Variants in PDE7B observed in about 807,000 individuals in gnomAD.
PDE7B encodes the protein phosphodiesterase 7B.
Under a neutral mutation model 56.2 loss-of-function variants are expected in PDE7B, and 29 were observed. The observed-to-expected ratio is 0.52, with a 90% CI of 0.38 to 0.70. The LOEUF (loss-of-function observed/expected upper bound fraction) is 0.70, where lower values mean the gene tolerates loss of function less well. PDE7B is among the 30% of genes least tolerant of loss of function. The pLI is 0.00. For synonymous variants in PDE7B, 197 were observed against 196.9 expected, an observed-to-expected ratio of 1.00 and a Z score of 0.00; for missense variants, 490 against 565.0, an observed-to-expected ratio of 0.87 and a Z score of 1.35.
At chr6:136,087,479 A>G (rs1411707854) in intron 2 of PDE7B, among the ~76,000 whole-genome samples, 1 of 152,260 alleles carries the variant, frequency 6.6e-6, no homozygotes, top group Non-Finnish European at 1.5e-5. Context: ...AAGTAAGAAG[A>G]GCAAGAGACA....
At chr6:136,032,666 G>A (rs1776261706) in intron 2 of PDE7B, among the ~76,000 whole-genome samples, 1 of 152,208 alleles carries the variant, frequency 6.6e-6, no homozygotes, top group Non-Finnish European at 1.5e-5. Flanking sequence ...TTCAAGGGTT[G>A]AAGGGCTTGA....
chr6:136,005,061 C>A (rs1775753173), intron 2 of PDE7B, among the ~76,000 whole-genome samples: 1 of 152,310 alleles, frequency 6.6e-6, no homozygotes, highest in African/African-American at 2.4e-5. Flanking sequence ...ATATCTACAA[C>A]TATCTGATCT....
intron 2 of PDE7B, among the ~76,000 whole-genome samples, chr6:136,082,318 G>A (rs1490134254): frequency 3.9e-5 from 6 of 152,116 alleles, no homozygotes; most frequent in East Asian, 3.9e-4. Flanking sequence ...CTGCAGTTAC[G>A]GCACTTGAGG....
At chr6:135,866,999 C>T (rs1448536910) in intron 1 of PDE7B, among the ~76,000 whole-genome samples, 2 of 152,090 alleles carry the variant, frequency 1.3e-5, no homozygotes, top group Non-Finnish European at 2.9e-5. Context: ...CTTGTGTTTT[C>T]CTAATACTTT....
intron 1 of PDE7B, among the ~76,000 whole-genome samples, chr6:135,907,231 C>T (rs1007504373): frequency 6.6e-6 from 1 of 152,156 alleles, no homozygotes; most frequent in Non-Finnish European, 1.5e-5. Flanking sequence ...TTTAAGAAGA[C>T]TTGGTAGAGA....
At chr6:135,980,512 A>G (rs1383558207) in intron 2 of PDE7B, among the ~76,000 whole-genome samples, 3 of 151,388 alleles carry the variant, frequency 2.0e-5, no homozygotes, top group Admixed American at 6.6e-5. Context: ...GCAACCTACA[A>G]AATGGGAGAA....
In PDE7B at chr6:136,173,881, G is replaced by A. The variant is rs867250176; in HGVS notation, c.796G>A (p.Glu266Lys). Reference sequence around the variant, plus strand: ...AAGGCTTCTTGCTCATTTGCCAAAGGAAATGACGTAAGTGCTGCCGAGATG... The same window carrying A: ...AAGGCTTCTTGCTCATTTGCCAAAGAAAATGACGTAAGTGCTGCCGAGATG... ...ESRLLAHLPKEMTQDIEQQLG... is the reference protein window; with the variant it reads ...ESRLLAHLPKKMTQDIEQQLG... The change falls in exon 9 of 13, where the codon GAA becomes AAA. Residue 266 changes from glutamate (E) to lysine (K), a missense_variant. By Grantham distance (56) the Glu-to-Lys change is moderately conservative (BLOSUM62 1). Coordinates refer to ENST00000308191, the MANE Select transcript of PDE7B (RefSeq NM_018945.4). 2 of 1,607,756 alleles carry A rather than the reference G, an allele frequency of 1.2e-6. No individual in the cohort carries two copies. The highest frequency in any genetic ancestry group is 1.7e-6 in the Non-Finnish European group (2 of 1,174,386).
rs369112592 is a variant in PDE7B at position 136,068,107 on chromosome 6, A to T, written c.83-40624A>T. Among the ~76,000 whole-genome samples the T allele has an allele frequency of 6.6e-5, 10 of 152,360 alleles. No homozygotes were observed. In the East Asian group the frequency reaches 1.4e-3, roughly 21 times the overall value. Reference sequence around the variant, plus strand: ...AAAATATTTGAAGAGAGTTAGTCCGAGCCAAATATGAGTGACCAACGGCCC... The same window carrying T: ...AAAATATTTGAAGAGAGTTAGTCCGTGCCAAATATGAGTGACCAACGGCCC... On this transcript the variant is annotated intron_variant, in intron 2 of 12. Transcript: ENST00000308191.
At chr6:135,985,054 A>C (rs1300254437) in intron 2 of PDE7B, among the ~76,000 whole-genome samples, 3 of 152,192 alleles carry the variant, frequency 2.0e-5, no homozygotes, top group African/African-American at 7.2e-5. Context: ...AATGAAGTTA[A>C]AGTCTTCTTT....
At chr6:136,070,036 C>T (rs1381528558) in intron 2 of PDE7B, among the ~76,000 whole-genome samples, 2 of 151,908 alleles carry the variant, frequency 1.3e-5, no homozygotes, top group African/African-American at 4.8e-5. Context: ...AGAGTCAACT[C>T]TTTCTCAGCA....
chr6:136,170,124 CAA>C (rs1778856179), intron 8 of PDE7B, among the ~76,000 whole-genome samples: 2 of 152,260 alleles, frequency 1.3e-5, no homozygotes, highest in Non-Finnish European at 2.9e-5. Flanking sequence ...GTGTCACTAA[CAA>C]GAGATTCTCC....
At chr6:136,123,608 C>A (rs1327178896) in intron 3 of PDE7B, among the ~76,000 whole-genome samples, 3 of 152,180 alleles carry the variant, frequency 2.0e-5, no homozygotes, top group South Asian at 4.1e-4. Flanking sequence ...ACAAGGATAA[C>A]CTGTTTTGAA....
Position 136,191,794 on chromosome 6 carries a change from C to G in PDE7B, c.1307C>G (p.Ala436Gly). 1 of 1,566,212 alleles carries G rather than the reference C, an allele frequency of 6.4e-7. No homozygotes were observed. The highest frequency in any genetic ancestry group is 8.6e-7 in the Non-Finnish European group (1 of 1,156,130). ...SSGSGPDHDH[A>G]GQGTESEEQE... ...GGCAGCGGGCCTGACCACGACCACG[C>G]AGGCCAAGGGACTGAGAGCGAGGAG... Residue 436 changes from alanine to glycine, a missense_variant, in exon 13 of 13, where the codon GCA (alanine) becomes GGA (glycine). Ala to Gly is a moderately conservative substitution (Grantham distance 60). Transcript: ENST00000308191.
chr6:135,908,386 C>T (rs1242172347), intron 1 of PDE7B, among the ~76,000 whole-genome samples: 1 of 152,038 alleles, frequency 6.6e-6, no homozygotes, highest in Non-Finnish European at 1.5e-5. Flanking sequence ...AGACACCGCA[C>T]CCGGCCTATC....
rs150549810 is a variant in PDE7B at position 136,095,206 on chromosome 6, T to C, written c.83-13525T>C. On this transcript the variant is annotated intron_variant, in intron 2 of 12. Transcript: ENST00000308191. ...ACCCTTTAATTCACATAATGTTTAATTGCTTATCAAATAATGTTCTTCCCT... is the reference window on the plus strand; with the variant it reads ...ACCCTTTAATTCACATAATGTTTAACTGCTTATCAAATAATGTTCTTCCCT... Among the ~76,000 whole-genome samples the C allele has an allele frequency of 2.0e-4, 30 of 152,310 alleles. 2 individuals carry two copies. Among genetic ancestry groups the C allele is most frequent in the African/African-American group, 7.2e-4 (30 of 41,574 alleles).
chr6:136,085,256 G>C (rs1445399807), intron 2 of PDE7B, among the ~76,000 whole-genome samples: 3 of 152,166 alleles, frequency 2.0e-5, no homozygotes, highest in East Asian at 3.8e-4. Flanking sequence ...CCAGTTCTGA[G>C]ACAGGAAAAG....
rs1219200960 is a variant in PDE7B at position 136,187,106 on chromosome 6, T to C, written c.1116T>C (p.Ser372=). Residue 372 remains serine, a synonymous_variant, in exon 12 of 13, where the codon AGT becomes AGC. Transcript: ENST00000308191. ...ATCAACAGAAAGATTCCATCCCTAG[T>C]ATACAAATTGGTGAGTTGAATTCAG... ...LCNQQKDSIP[S]IQIGFMSYIV... is the part of the protein sequence containing the mutation. 1 of 1,536,348 alleles carries C rather than the reference T, an allele frequency of 6.5e-7. No homozygotes were observed. The highest frequency in any genetic ancestry group is 9.0e-7 in the Non-Finnish European group (1 of 1,111,694).
intron 2 of PDE7B, among the ~76,000 whole-genome samples, chr6:135,981,282 T>G: frequency 2.3e-5 from 2 of 86,662 alleles, no homozygotes; most frequent in South Asian, 4.8e-4. Context: ...TGGGGACTGT[T>G]GTGGGGTGGG....
chr6:135,968,720 C>T (rs1012389378), intron 2 of PDE7B, among the ~76,000 whole-genome samples: 3 of 152,180 alleles, frequency 2.0e-5, no homozygotes, highest in Non-Finnish European at 4.4e-5. Context: ...TTGAGGAAGA[C>T]AGTGTGGTGA....
Sources: gnomAD v4.1 joint callset for allele counts (sites outside exome capture counted in the v4.1 genomes callset) on GRCh38, gnomAD v4.1.1 for gene constraint, MANE v1.5 for transcripts, NCBI Gene and HGNC (gene_info 2026-07-23, HGNC 2026-07-21) for gene names.